KHDRBS3: variants seen among roughly 807,000 people sequenced by gnomAD.
The protein encoded by KHDRBS3 is KH domain-containing, RNA-binding, signal transduction-associated protein 3.
Under a neutral mutation model 45.6 loss-of-function variants are expected in KHDRBS3, and 23 were observed. That is an observed-to-expected ratio of 0.50 (90% CI 0.36 to 0.72). The LOEUF is 0.72. Among genes scored for constraint, KHDRBS3 ranks in the 30% least tolerant of loss-of-function variants. KHDRBS3 has a pLI of 0.00. For synonymous variants in KHDRBS3, 162 were observed against 156.5 expected, an observed-to-expected ratio of 1.04 and a Z score of -0.26; for missense variants, 352 against 424.8, an observed-to-expected ratio of 0.83 and a Z score of 1.51.
At chr8:135,463,502 A>T (rs531175175) in intron 1 of KHDRBS3, among the ~76,000 whole-genome samples, 1 of 152,176 alleles carries the variant, frequency 6.6e-6, no homozygotes, top group Non-Finnish European at 1.5e-5. Context: ...GATAATGAGA[A>T]GATGTTGTCA....
In KHDRBS3 at chr8:135,462,645, C is replaced by T. The variant is rs1320206673; in HGVS notation, c.88+4691C>T. 2.6e-5 allele frequency among the ~76,000 whole-genome samples: 4 copies of T among 152,066 alleles called. No individual in the cohort carries two copies. The East Asian group carries it at 5.8e-4, about 22-fold the overall frequency. ...TGGTACTGGGTCATGTTTGTAATCT[C>T]GATACTGGTAACAGCTCAGAGATGG... On this transcript the variant is annotated intron_variant, in intron 1 of 8. Coordinates refer to ENST00000355849, the MANE Select transcript of KHDRBS3 (RefSeq NM_006558.3).
chr8:135,521,403 G>T (rs745600187), intron 2 of KHDRBS3, 48 bp downstream of exon 2: 21 of 980,868 alleles, frequency 2.1e-5, no homozygotes, highest in African/African-American at 9.8e-5. Context: ...TGAATCAAAG[G>T]GGAGCAGATG....
At chr8:135,649,021 T>G (rs1379469928), downstream of KHDRBS3, among the ~76,000 whole-genome samples, 1 of 152,150 alleles carries the variant, frequency 6.6e-6, no homozygotes, top group African/African-American at 2.4e-5. Context: ...TTTGACAGTA[T>G]TTATCTTAGT....
intron 1 of KHDRBS3, among the ~76,000 whole-genome samples, chr8:135,520,411 T>G (rs1824849372): frequency 6.6e-6 from 1 of 152,192 alleles, no homozygotes; most frequent in South Asian, 2.1e-4. Flanking sequence ...TATGCTAAAA[T>G]TTTCTAGGAT....
At chr8:135,600,530 G>A (rs953535258) in intron 6 of KHDRBS3, among the ~76,000 whole-genome samples, 1 of 152,180 alleles carries the variant, frequency 6.6e-6, no homozygotes, top group African/African-American at 2.4e-5. Context: ...AGATGTTAAT[G>A]CCTTCCTAGG....
chr8:135,548,974 T>A, intron 4 of KHDRBS3, 74 bp downstream of exon 4: 1 of 1,058,216 alleles, frequency 9.4e-7, no homozygotes, highest in Non-Finnish European at 1.3e-6. Context: ...TTCTTGTCTG[T>A]AACTGTTATT....
intron 1 of KHDRBS3, among the ~76,000 whole-genome samples, chr8:135,505,630 A>G (rs995499780): frequency 6.6e-6 from 1 of 152,130 alleles, no homozygotes; most frequent in Non-Finnish European, 1.5e-5. Context: ...TGATACAGAA[A>G]TAGTAACAAA....
downstream of KHDRBS3, among the ~76,000 whole-genome samples, chr8:135,651,426 A>G (rs1831426105): frequency 6.6e-6 from 1 of 152,066 alleles, no homozygotes; most frequent in African/African-American, 2.4e-5. Context: ...AATATTTGCA[A>G]TTATAAGAAA....
At chr8:135,536,234 G>GTTTTTTTTTTTTT (rs374782370) in intron 2 of KHDRBS3, among the ~76,000 whole-genome samples, 7 of 86,410 alleles carry the variant, frequency 8.1e-5, no homozygotes, top group East Asian at 5.0e-4. Context: ...TTTCTGTCCA[G>GTTTTTTTTTTTTT]TTTTTTTTTT....
chr8:135,600,479 T>A lies in KHDRBS3; in HGVS notation c.808-6476T>A, dbSNP rs559858292. On this transcript the variant is annotated intron_variant, in intron 6 of 8. Transcript: ENST00000355849. Reference sequence around the variant, plus strand: ...AAAATAGCCTCATTGGCTAGTTAGATGACAATGGGATGGTAAAGCAGAAAG... The same window carrying A: ...AAAATAGCCTCATTGGCTAGTTAGAAGACAATGGGATGGTAAAGCAGAAAG... Among the ~76,000 whole-genome samples, 4 of 152,256 alleles carry A rather than the reference T, an allele frequency of 2.6e-5. No individual in the cohort carries two copies. In the East Asian group the frequency reaches 7.7e-4, roughly 29 times the overall value.
At chr8:135,517,245 C>T (rs560361808) in intron 1 of KHDRBS3, among the ~76,000 whole-genome samples, 1 of 152,284 alleles carries the variant, frequency 6.6e-6, no homozygotes, top group Admixed American at 6.5e-5. Flanking sequence ...GTACCTTAAG[C>T]TGTTTGGTAC....
At chr8:135,650,006 A>G (rs567942413), downstream of KHDRBS3, among the ~76,000 whole-genome samples, 2 of 152,226 alleles carry the variant, frequency 1.3e-5, no homozygotes, top group South Asian at 4.2e-4. Context: ...ACCCTGCTAT[A>G]GATAAGCCAG....
chr8:135,647,243 C>T lies in KHDRBS3; in HGVS notation c.*159C>T. The T allele has an allele frequency of 4.3e-5, 6 of 139,158 alleles. No homozygotes were observed. Among genetic ancestry groups the T allele is most frequent in the Non-Finnish European group, 7.1e-5 (6 of 84,830 alleles). The allele number at this position is 139,158 out of a possible 1,614,324, so 8.6% of individuals were successfully genotyped here. On this transcript the variant is annotated 3_prime_UTR_variant, in exon 9 of 9. Coordinates refer to ENST00000355849, the MANE Select transcript of KHDRBS3 (RefSeq NM_006558.3). ...TACTTTGTTGAAACATCAACCTGGG[C>T]AGAAAAAAAAAAAAAAAGACATGTA...
intron 7 of KHDRBS3, among the ~76,000 whole-genome samples, chr8:135,620,176 G>T (rs574465050): frequency 8.6e-5 from 13 of 151,754 alleles, no homozygotes; most frequent in African/African-American, 3.1e-4. Flanking sequence ...TGGCTGAAGC[G>T]ATTCTCCATC....
chr8:135,531,141 A>G (rs1825453403), intron 2 of KHDRBS3, among the ~76,000 whole-genome samples: 1 of 152,102 alleles, frequency 6.6e-6, no homozygotes. Context: ...CAGATTGTAT[A>G]TTACTTGCGT....
chr8:135,483,064 A>G (rs1822665731), intron 1 of KHDRBS3, among the ~76,000 whole-genome samples: 2 of 152,062 alleles, frequency 1.3e-5, no homozygotes, highest in Non-Finnish European at 2.9e-5. Context: ...TTTGTTTCTC[A>G]GCATTTCTAG....
chr8:135,573,676 C>T (rs986212255), intron 5 of KHDRBS3, among the ~76,000 whole-genome samples: 1 of 152,132 alleles, frequency 6.6e-6, no homozygotes, highest in Non-Finnish European at 1.5e-5. Flanking sequence ...TTGTATTAGT[C>T]TGTAAACTAA....
At chr8:135,629,297 G>A (rs955004477) in intron 7 of KHDRBS3, among the ~76,000 whole-genome samples, 1 of 152,184 alleles carries the variant, frequency 6.6e-6, no homozygotes, top group African/African-American at 2.4e-5. Flanking sequence ...CTGACTAAAT[G>A]GCAGGCCAGT....
chr8:135,555,890 C>CT (rs1194628137), intron 4 of KHDRBS3, among the ~76,000 whole-genome samples: 4 of 152,160 alleles, frequency 2.6e-5, no homozygotes, highest in African/African-American at 9.7e-5. Context: ...CCCCTAGCCC[C>CT]CCATCCCTCG....
Sources: gnomAD v4.1 joint callset for allele counts (sites outside exome capture counted in the v4.1 genomes callset) on GRCh38, gnomAD v4.1.1 for gene constraint, MANE v1.5 for transcripts, NCBI Gene and HGNC (gene_info 2026-07-23, HGNC 2026-07-21) for gene names.